Variants in SLC22A24 observed in about 807,000 individuals in gnomAD.
SLC22A24 encodes the protein steroid transmembrane transporter SLC22A24.
SLC22A24 carries 53 observed loss-of-function variants against 49.8 expected under a neutral mutation model. That is an observed-to-expected ratio of 1.06 (90% CI 0.85 to 1.34). The LOEUF is 1.34. Among genes scored for constraint, SLC22A24 ranks in the 40% most tolerant of loss-of-function variants. SLC22A24 has a pLI of 0.00. For missense variants in SLC22A24, 786 were observed against 675.9 expected (o/e 1.16, Z -1.81); for synonymous variants, 302 against 256.4 (o/e 1.18, Z -1.70).
intron 6 of SLC22A24, among the ~76,000 whole-genome samples, chr11:63,092,704 A>C (rs1250182633): frequency 6.6e-6 from 1 of 150,998 alleles, no homozygotes; most frequent in African/African-American, 2.4e-5. Context: ...AGATGGATTA[A>C]AAATTTAAAT....
chr11:63,128,374 A>G (rs1006022647), intron 2 of SLC22A24, among the ~76,000 whole-genome samples: 12 of 152,038 alleles, frequency 7.9e-5, no homozygotes, highest in African/African-American at 2.9e-4. Flanking sequence ...AGTGCCTAGG[A>G]AAAGCACCCG....
chr11:63,132,783 C>T (rs1386274458), intron 2 of SLC22A24, among the ~76,000 whole-genome samples: 2 of 152,150 alleles, frequency 1.3e-5, no homozygotes, highest in Non-Finnish European at 2.9e-5. Context: ...AGGAGGCAGC[C>T]TGTCTTTTCT....
intron 5 of SLC22A24, 139 bp downstream of exon 5, chr11:63,104,036 T>C: frequency 1.4e-6 from 1 of 732,472 alleles, no homozygotes; most frequent in Non-Finnish European, 2.1e-6. Flanking sequence ...GGAGGAAAGA[T>C]ATATATATTT....
chr11:63,138,363 G>A (rs777050565), intron 1 of SLC22A24, among the ~76,000 whole-genome samples: 4 of 151,920 alleles, frequency 2.6e-5, no homozygotes, highest in African/African-American at 4.8e-5. Context: ...TTCTGAGGCC[G>A]GGTACGTGGT....
intron 4 of SLC22A24, among the ~76,000 whole-genome samples, chr11:63,108,262 C>G (rs1022560977): frequency 1.3e-5 from 2 of 152,122 alleles, no homozygotes; most frequent in Admixed American, 6.6e-5. Flanking sequence ...GCCGAACCAG[C>G]CTTGCATCCC....
chr11:63,085,042 G>A (rs2086979714), intron 6 of SLC22A24, among the ~76,000 whole-genome samples: 1 of 151,848 alleles, frequency 6.6e-6, no homozygotes, highest in African/African-American at 2.4e-5. Flanking sequence ...TTAAGAGAAA[G>A]CTAAGAAGGG....
rs780659831 is a variant in SLC22A24, at chr11:63,081,036, G to A, written c.1482C>T (p.Pro494=). 4 of 1,551,654 alleles carry A rather than the reference G, an allele frequency of 2.6e-6. No individual in the cohort carries two copies. The South Asian group carries it at 3.6e-5, about 14-fold the overall frequency. The change falls in exon 9 of 10, where the codon CCC becomes CCT. Residue 494 remains proline (P), a synonymous_variant. Transcript: ENST00000612278. ...PLLMTLMAYS[P]HLPWISYGVF... ...CTCCATAGGAAATCCAGGGTAGGTG[G>A]GGAGAATACGCCATTAAGGTCATCA...
intron 4 of SLC22A24, chr11:63,116,262 G>T: frequency 3.2e-6 from 1 of 311,186 alleles, no homozygotes; most frequent in South Asian, 8.0e-5. Context: ...ATATCTTTGT[G>T]ATCAGGGTTT....
At chr11:63,080,324 T>G (rs1284695752) in intron 9 of SLC22A24, among the ~76,000 whole-genome samples, 1 of 152,238 alleles carries the variant, frequency 6.6e-6, no homozygotes, top group African/African-American at 2.4e-5. Context: ...TCCTGCTTTC[T>G]TTTCTTAATT....
In SLC22A24 at chr11:63,128,341, G is replaced by A. The variant is rs7931101; in HGVS notation, c.506+6324C>T. Among the ~76,000 whole-genome samples the A allele has an allele frequency of 6.1e-3, 924 of 152,146 alleles. 1 individual carries two copies. The highest frequency in any genetic ancestry group is 0.01 in the Non-Finnish European group (693 of 67,994). ...CTGGGAAGACACCTGTTACCTAGCG[G>A]ACCTTGGTCTAGTCGTAGCGTCAGT... On this transcript the variant is annotated intron_variant, in intron 2 of 9. Coordinates refer to ENST00000612278, the MANE Select transcript of SLC22A24 (RefSeq NM_001136506.2).
At chr11:63,106,542 C>T (rs2087122943) in intron 4 of SLC22A24, among the ~76,000 whole-genome samples, 1 of 152,014 alleles carries the variant, frequency 6.6e-6, no homozygotes. Flanking sequence ...TAGTTTTCCA[C>T]TAACAGTGTA....
rs535427204 is a variant in SLC22A24, at chr11:63,108,294, G to A, written c.831-3996C>T. On this transcript the variant is annotated intron_variant, in intron 4 of 9. Coordinates refer to ENST00000612278, the MANE Select transcript of SLC22A24 (RefSeq NM_001136506.2). Reference sequence around the variant, plus strand: ...TCCCAGGGATGAAGCCGACTTGATCGTGGTGGATAAGCTTTTTGATGTGCT... The same window carrying A: ...TCCCAGGGATGAAGCCGACTTGATCATGGTGGATAAGCTTTTTGATGTGCT... 4.5e-4 allele frequency among the ~76,000 whole-genome samples: 68 copies of A among 152,238 alleles called. 2 individuals carry two copies. Among genetic ancestry groups the A allele is most frequent in the Admixed American group, 3.9e-3 (59 of 15,276 alleles).
chr11:63,084,251 A>C (rs2086975198), intron 6 of SLC22A24, among the ~76,000 whole-genome samples: 1 of 152,162 alleles, frequency 6.6e-6, no homozygotes, highest in South Asian at 2.1e-4. Context: ...TCTAAGAGCT[A>C]CAAGCAATGG....
chr11:63,092,789 A>G (rs190242732), intron 6 of SLC22A24, among the ~76,000 whole-genome samples: 1 of 151,994 alleles, frequency 6.6e-6, no homozygotes, highest in Admixed American at 6.6e-5. Context: ...ATGGGCAAAG[A>G]CTTCATGACT....
Position 63,134,724 on chromosome 11 carries a change from T to TTGAACCATTGATTTTAGTGAC in SLC22A24, c.426_446dup (p.Lys145_Leu151dup). ...GAAGTGACCCAGCCATAAATAGGGATTGAACCATTGATTTTAGTGACTGAG... is the reference window on the plus strand; with the variant it reads ...GAAGTGACCCAGCCATAAATAGGGATTGAACCATTGATTTTAGTGACTGAACCATTGATTTTAGTGACTGAG... On this transcript the variant is annotated inframe_insertion, in exon 2 of 10. Transcript: ENST00000612278. 1.3e-6 allele frequency: 2 copies of TTGAACCATTGATTTTAGTGAC among 1,566,468 alleles called. No homozygotes were observed. The highest frequency in any genetic ancestry group is 1.2e-5 in the South Asian group (1 of 85,114).
chr11:63,083,048 CATTG>C (rs1403140839), intron 7 of SLC22A24, among the ~76,000 whole-genome samples, 191 bp downstream of exon 7: 7 of 151,652 alleles, frequency 4.6e-5, no homozygotes, highest in Non-Finnish European at 1.0e-4. Context: ...TCACGGCTGA[CATTG>C]ATTGAGTAAG....
intron 1 of SLC22A24, among the ~76,000 whole-genome samples, chr11:63,139,017 A>G (rs2087396008): frequency 6.6e-6 from 1 of 152,148 alleles, no homozygotes; most frequent in Non-Finnish European, 1.5e-5. Context: ...AAGAGATCTG[A>G]AAGGATTTTT....
In SLC22A24 at chr11:63,096,007, C is replaced by T. The variant is rs543256896; in HGVS notation, c.1054G>A (p.Gly352Ser). 3.2e-5 allele frequency: 50 copies of T among 1,549,930 alleles called. No individual in the cohort carries two copies. The highest frequency in any genetic ancestry group is 1.5e-4 in the East Asian group (6 of 40,876). The change falls in exon 6 of 10, where the codon GGC becomes AGC. Residue 352 changes from glycine to serine, a missense_variant. Physicochemically the swap from Gly to Ser is moderately conservative, Grantham distance 56 (BLOSUM62 0). Coordinates refer to ENST00000612278, the MANE Select transcript of SLC22A24 (RefSeq NM_001136506.2). ...RAPKLRMRVF[G>S]LCFVRFAITV... The stretch of plus-strand genomic sequence containing the variant: ...GGAACTTACCTCACAAAGCACAGGC[C>T]GAAGACTCTCATTCGCAATTTGGGT...
rs148548678 is a variant in SLC22A24, at chr11:63,136,473, C to A, written c.403-1705G>T. On this transcript the variant is annotated intron_variant, in intron 1 of 9. Transcript: ENST00000612278. ...TACAACCAATGCTTCAAAAGTTGAACAAATTCGGCTACGAAGTTGTGCCTT... is the reference window on the plus strand; with the variant it reads ...TACAACCAATGCTTCAAAAGTTGAAAAAATTCGGCTACGAAGTTGTGCCTT... Among the ~76,000 whole-genome samples the A allele has an allele frequency of 2.8e-3, 426 of 152,320 alleles. 2 individuals are homozygous for A. Among genetic ancestry groups the A allele is most frequent in the African/African-American group, 9.9e-3 (410 of 41,568 alleles).
Sources: gnomAD v4.1 joint callset for allele counts (sites outside exome capture counted in the v4.1 genomes callset) on GRCh38, gnomAD v4.1.1 for gene constraint, MANE v1.5 for transcripts, NCBI Gene and HGNC (gene_info 2026-07-23, HGNC 2026-07-21) for gene names.